CAMTA1: variants seen among roughly 807,000 people sequenced by gnomAD.
CAMTA1 encodes calmodulin-binding transcription activator 1.
A neutral mutation model predicts 170.9 loss-of-function variants in CAMTA1; 27 were observed. The ratio of observed to expected loss-of-function variants is 0.16; its 90% CI spans 0.12 to 0.22. The LOEUF is 0.22. CAMTA1 is among the 10% of genes least tolerant of loss of function. CAMTA1 has a pLI of 1.00. For missense variants in CAMTA1, 1,619 were observed against 2,217.2 expected, an observed-to-expected ratio of 0.73 and a Z score of 5.42; for synonymous variants, 833 against 891.5, an observed-to-expected ratio of 0.93 and a Z score of 1.17.
intron 4 of CAMTA1, among the ~76,000 whole-genome samples, chr1:7,112,023 T>C (rs1480011281): frequency 6.6e-6 from 1 of 152,062 alleles, no homozygotes; most frequent in African/African-American, 2.4e-5. Flanking sequence ...GGCTGTCACG[T>C]ATCTCTGTTT....
chr1:6,806,941 C>G (rs1188606070), intron 1 of CAMTA1: 1 of 477,816 alleles, frequency 2.1e-6, no homozygotes, highest in East Asian at 3.1e-5. Flanking sequence ...TTTTAAGTCA[C>G]TTCATTTACT....
At chr1:7,179,902 G>C (rs1236654234) in intron 4 of CAMTA1, among the ~76,000 whole-genome samples, 1 of 152,114 alleles carries the variant, frequency 6.6e-6, no homozygotes, top group African/African-American at 2.4e-5. Context: ...AAAATAGTAA[G>C]ATAGAGAATG....
intron 6 of CAMTA1, among the ~76,000 whole-genome samples, chr1:7,522,477 A>G (rs949999784): frequency 2.0e-4 from 31 of 152,316 alleles, no homozygotes; most frequent in African/African-American, 7.5e-4. Flanking sequence ...GAGCTTTTGT[A>G]GAACAAAAGT....
chr1:7,120,865 A>T (rs957223440), intron 4 of CAMTA1, among the ~76,000 whole-genome samples: 8 of 152,216 alleles, frequency 5.3e-5, no homozygotes, highest in African/African-American at 1.9e-4. Context: ...GTTATCAGGG[A>T]TGGAATTAAA....
intron 3 of CAMTA1, among the ~76,000 whole-genome samples, chr1:6,929,738 C>A (rs1182450136): frequency 6.6e-6 from 1 of 152,220 alleles, no homozygotes; most frequent in East Asian, 1.9e-4. Flanking sequence ...ACCTCGTGAT[C>A]TGCCTGCCTC....
chr1:7,272,498 T>A (rs1048523579), intron 5 of CAMTA1, among the ~76,000 whole-genome samples: 1 of 151,662 alleles, frequency 6.6e-6, no homozygotes, highest in Non-Finnish European at 1.5e-5. Flanking sequence ...CAAAACTTAC[T>A]GTAAAGCTAT....
Position 7,533,503 on chromosome 1 carries a change from G to T in CAMTA1, c.510+65602G>T, listed in dbSNP as rs372285886. The stretch of plus-strand genomic sequence containing the variant: ...CTCCGAAGGGAGGTAGAGGTGGGGT[G>T]TCCCTGCAGCAGGAAGCACGGAGTC... On this transcript the variant is annotated intron_variant, in intron 6 of 22. Coordinates refer to ENST00000303635, the MANE Select transcript of CAMTA1 (RefSeq NM_015215.4). Among the ~76,000 whole-genome samples the T allele has an allele frequency of 4.6e-5, 7 of 152,212 alleles. No homozygotes were observed. The East Asian group carries it at 5.8e-4, about 13-fold the overall frequency.
chr1:7,609,315 C>T lies in CAMTA1; in HGVS notation c.511-31085C>T, dbSNP rs1018808089. 2.0e-5 allele frequency among the ~76,000 whole-genome samples: 3 copies of T among 152,344 alleles called. No homozygotes were observed. Among genetic ancestry groups the T allele is most frequent in the South Asian group, 2.1e-4 (1 of 4,826 alleles). On this transcript the variant is annotated intron_variant, in intron 6 of 22. Coordinates refer to ENST00000303635, the MANE Select transcript of CAMTA1 (RefSeq NM_015215.4). The surrounding 1 kb of genome is among the most constrained non-coding windows in gnomAD (Gnocchi z 4.4). Reference sequence around the variant, plus strand: ...GTCACCCCATCGGCTGTTCTGTCATCAGACATCATGTTTACCCATCAGACG... The same window carrying T: ...GTCACCCCATCGGCTGTTCTGTCATTAGACATCATGTTTACCCATCAGACG...
intron 5 of CAMTA1, among the ~76,000 whole-genome samples, chr1:7,417,204 G>T (rs1385817393): frequency 6.6e-6 from 1 of 152,266 alleles, no homozygotes; most frequent in Non-Finnish European, 1.5e-5. Context: ...GTGCCTCCCA[G>T]TTAGGCTGCT....
intron 5 of CAMTA1, among the ~76,000 whole-genome samples, chr1:7,316,878 C>T (rs1677596405): frequency 6.6e-6 from 1 of 152,122 alleles, no homozygotes; most frequent in South Asian, 2.1e-4. Context: ...AGTTAGGATT[C>T]CCCCCATACA....
intron 3 of CAMTA1, among the ~76,000 whole-genome samples, chr1:6,936,022 G>T (rs1685250600): frequency 6.6e-6 from 1 of 152,224 alleles, no homozygotes; most frequent in Non-Finnish European, 1.5e-5. Flanking sequence ...ATGCGCCTGA[G>T]CCTGGAGGAT....
At chr1:7,425,488 G>A (rs1228237704) in intron 5 of CAMTA1, among the ~76,000 whole-genome samples, 2 of 152,114 alleles carry the variant, frequency 1.3e-5, no homozygotes, top group South Asian at 2.1e-4. Flanking sequence ...TGGGGTGGAC[G>A]CTGCAAGGCC....
Position 6,894,335 on chromosome 1 carries a change from TTTAA to T in CAMTA1, c.234+69129_234+69132del, listed in dbSNP as rs61057198. Among the ~76,000 whole-genome samples, 374 of 152,332 alleles carry T rather than the reference TTTAA, an allele frequency of 2.5e-3. 1 individual carries two copies. The highest frequency in any genetic ancestry group is 8.7e-3 in the African/African-American group (363 of 41,562). ...CCAGTAAAAATAGCATGGAATAAAA[TTTAA>T]TTATGCTATACTGAATATTTCATGT... is the stretch of plus-strand genomic sequence containing the variant. On this transcript the variant is annotated intron_variant, in intron 3 of 22. Coordinates refer to ENST00000303635, the MANE Select transcript of CAMTA1 (RefSeq NM_015215.4).
At chr1:7,750,606 G>A (rs1468821389) in intron 19 of CAMTA1, among the ~76,000 whole-genome samples, 1 of 152,224 alleles carries the variant, frequency 6.6e-6, no homozygotes, top group Non-Finnish European at 1.5e-5. Context: ...CTCTGTGACA[G>A]CCGTCCAGGT....
chr1:6,793,651 G>T (rs1160990368), intron 1 of CAMTA1, among the ~76,000 whole-genome samples: 1 of 152,118 alleles, frequency 6.6e-6, no homozygotes, highest in Admixed American at 6.5e-5. Flanking sequence ...ATTCAACAAG[G>T]TGTATTTGTG....
At chr1:6,919,323 CAG>C (rs1205549205) in intron 3 of CAMTA1, among the ~76,000 whole-genome samples, 1 of 152,200 alleles carries the variant, frequency 6.6e-6, no homozygotes, top group African/African-American at 2.4e-5. Context: ...GCAGGCAAGT[CAG>C]GGGTTCTGAG....
intron 5 of CAMTA1, among the ~76,000 whole-genome samples, chr1:7,380,647 G>C (rs2087224165): frequency 6.6e-6 from 1 of 152,328 alleles, no homozygotes; most frequent in African/African-American, 2.4e-5. Context: ...TTCCTCTTTA[G>C]GGCCTAGTTC....
At chr1:6,912,191 G>T (rs1245045557) in intron 3 of CAMTA1, among the ~76,000 whole-genome samples, 4 of 152,212 alleles carry the variant, frequency 2.6e-5, no homozygotes. Flanking sequence ...CCCTGGATTA[G>T]TGGGTTTCAT....
In CAMTA1 at chr1:7,098,952, T is replaced by C. The variant is rs1193754008; in HGVS notation, c.302+7581T>C. 2.0e-5 allele frequency among the ~76,000 whole-genome samples: 3 copies of C among 152,286 alleles called. No homozygotes were observed. In the East Asian group the frequency reaches 5.8e-4, roughly 29 times the overall value. On this transcript the variant is annotated intron_variant, in intron 4 of 22. Coordinates refer to ENST00000303635, the MANE Select transcript of CAMTA1 (RefSeq NM_015215.4). Reference sequence around the variant, plus strand: ...CCAGGAGTGCAAGTTCCCGGTGTCCTGGAGGAGCCAAGAGGGAAGTGTTGA... The same window carrying C: ...CCAGGAGTGCAAGTTCCCGGTGTCCCGGAGGAGCCAAGAGGGAAGTGTTGA...
Sources: allele counts gnomAD v4.1 joint callset (sites outside exome capture counted in the v4.1 genomes callset), GRCh38; gene constraint gnomAD v4.1.1; non-coding constraint Gnocchi (gnomAD v3.1); transcripts MANE v1.5; gene names NCBI Gene and HGNC (gene_info 2026-07-23, HGNC 2026-07-21).